The following PFKFB3 variants were observed in gnomAD, a reference collection of about 807,000 sequenced individuals.
PFKFB3 encodes the protein 6-phosphofructo-2-kinase/fructose-2,6-bisphosphatase 3.
In PFKFB3, 33 loss-of-function variants were observed where a neutral mutation model predicts 68.0. The ratio of observed to expected loss-of-function variants is 0.49; its 90% CI spans 0.37 to 0.65. The LOEUF (loss-of-function observed/expected upper bound fraction) is 0.65, where lower values mean the gene tolerates loss of function less well. Among genes scored for constraint, PFKFB3 ranks in the 30% least tolerant of loss-of-function variants. The pLI is 0.00. For missense variants in PFKFB3, 586 were observed against 712.2 expected, an observed-to-expected ratio of 0.82 and a Z score of 2.02; for synonymous variants, 315 against 288.2, an observed-to-expected ratio of 1.09 and a Z score of -0.94.
Position 6,229,349 on chromosome 10 carries a change from G to A in PFKFB3, c.1515+2984G>A, listed in dbSNP as rs1488439209. ...TGACCGGCCCGTGCTTCCAGCAGGT[G>A]AGCCGCAGAGCCGGGGCCTGAAAGG... is the stretch of plus-strand genomic sequence containing the variant. On this transcript the variant is annotated intron_variant, in intron 14 of 14. Coordinates refer to ENST00000379775, the MANE Select transcript of PFKFB3 (RefSeq NM_004566.4). The surrounding 1 kb of genome is among the most constrained non-coding windows in gnomAD (Gnocchi z 4.3). Among the ~76,000 whole-genome samples the A allele has an allele frequency of 6.6e-6, 1 of 152,204 alleles. No homozygotes were observed. Among genetic ancestry groups the A allele is most frequent in the Non-Finnish European group, 1.5e-5 (1 of 68,040 alleles).
At chr10:6,219,751 T>C in intron 7 of PFKFB3, 58 bp downstream of exon 7, 2 of 1,573,656 alleles carry the variant, frequency 1.3e-6, no homozygotes, top group Non-Finnish European at 1.7e-6. Context: ...TACTGAATTC[T>C]TGATGTTCCC....
the PFKFB3 span, among the ~76,000 whole-genome samples, chr10:6,311,505 C>G: frequency 6.7e-6 from 1 of 148,706 alleles, no homozygotes; most frequent in African/African-American, 2.4e-5. Flanking sequence ...GCCCAGCACT[C>G]TGGGAAGCTG....
chr10:6,265,161 A>C, the PFKFB3 span, among the ~76,000 whole-genome samples: 1 of 149,662 alleles, frequency 6.7e-6, no homozygotes. Context: ...GCTCACTGCA[A>C]CCTCCACCTC....
In PFKFB3 at chr10:6,244,677, T is replaced by C. The variant is rs1846215549; in HGVS notation, c.1516-9501T>C. ...ATTCTTGGTCTTCTAAATCCACAGC[T>C]CACAAAGGATTAGGGAGGGATGAGA... On this transcript the variant is annotated intron_variant, in intron 14 of 14. Transcript: ENST00000640683. 2.6e-5 allele frequency among the ~76,000 whole-genome samples: 4 copies of C among 151,974 alleles called. No individual in the cohort carries two copies. The South Asian group carries it at 8.3e-4, about 32-fold the overall frequency.
chr10:6,150,848 A>C (rs11256997), intron 1 of PFKFB3, among the ~76,000 whole-genome samples: 12,167 of 152,178 alleles, frequency 0.08, 638 homozygotes, highest in East Asian at 0.18. Context: ...AAGTATGAAC[A>C]ATTAGCCAGG....
At chr10:6,169,114 G>A (rs1842228311) in intron 1 of PFKFB3, among the ~76,000 whole-genome samples, 1 of 152,134 alleles carries the variant, frequency 6.6e-6, no homozygotes, top group South Asian at 2.1e-4. Context: ...CAAATTTTTT[G>A]TATTTTTAGT....
intron 1 of PFKFB3, among the ~76,000 whole-genome samples, chr10:6,177,935 G>A (rs1242955790): frequency 1.3e-5 from 2 of 152,162 alleles, no homozygotes; most frequent in African/African-American, 2.4e-5. Context: ...AGGTGGGCAC[G>A]TGGGGTGGAC....
At position 6,221,375 on chromosome 10, in the gene PFKFB3, T is replaced by G. The variant is rs372803989; in HGVS notation, c.832-6T>G. ...GAATCAGTGGTCCCCCTCCACCACC[T>G]CTCAGTTTGCCAGTGCTCTGAGCAA... On this transcript the variant is annotated splice_region_variant and splice_polypyrimidine_tract_variant and intron_variant, in intron 8 of 14. Coordinates refer to ENST00000379775, the MANE Select transcript of PFKFB3 (RefSeq NM_004566.4). 6 of 1,613,554 alleles carry G rather than the reference T, an allele frequency of 3.7e-6. No individual in the cohort carries two copies. In the African/African-American group the frequency reaches 8.0e-5, roughly 22 times the overall value.
chr10:6,288,367 C>T, the PFKFB3 span, among the ~76,000 whole-genome samples: 1 of 111,666 alleles, frequency 9.0e-6, no homozygotes, highest in Non-Finnish European at 1.7e-5. Flanking sequence ...CCCCACCCCA[C>T]AACAGTCCCC....
rs1217841096 is a variant in PFKFB3, at chr10:6,234,840, A to C, written c.*1898A>C. The C allele has an allele frequency of 6.6e-6, 1 of 152,164 alleles. No individual in the cohort carries two copies. The highest frequency in any genetic ancestry group is 1.5e-5 in the Non-Finnish European group (1 of 68,026). The allele number at this position is 152,164 out of a possible 1,614,324, so 9.4% of individuals were successfully genotyped here. On this transcript the variant is annotated 3_prime_UTR_variant, in exon 15 of 15. Coordinates refer to ENST00000379775, the MANE Select transcript of PFKFB3 (RefSeq NM_004566.4). The stretch of plus-strand genomic sequence containing the variant: ...CTGTGGTCCCCTCTCCCCTCTGACT[A>C]CCTAAAATCAATACCTAAATACAGA...
At chr10:6,263,829 G>A in the PFKFB3 span, among the ~76,000 whole-genome samples, 1 of 152,180 alleles carries the variant, frequency 6.6e-6, no homozygotes, top group Non-Finnish European at 1.5e-5. Flanking sequence ...AGTATTAAAG[G>A]CGTGTGCCAC....
chr10:6,303,272 A>C, the PFKFB3 span, among the ~76,000 whole-genome samples: 9 of 152,234 alleles, frequency 5.9e-5, no homozygotes, highest in African/African-American at 2.2e-4. Flanking sequence ...AAGAACAAAC[A>C]AGAAAAAGAA....
chr10:6,148,844 G>A (rs1313447895), intron 1 of PFKFB3, among the ~76,000 whole-genome samples: 2 of 151,780 alleles, frequency 1.3e-5, no homozygotes, highest in Non-Finnish European at 1.5e-5. Flanking sequence ...TTGGGAGGCC[G>A]AGGTGGGAGG....
chr10:6,177,262 G>T (rs193268964), intron 1 of PFKFB3, among the ~76,000 whole-genome samples: 1 of 152,168 alleles, frequency 6.6e-6, no homozygotes. Context: ...TGAAATGGGC[G>T]TTCATGTCTT....
chr10:6,302,404 C>T, the PFKFB3 span, among the ~76,000 whole-genome samples: 2 of 83,306 alleles, frequency 2.4e-5, no homozygotes, highest in Non-Finnish European at 4.2e-5. Context: ...TTTTTTGAGA[C>T]GGAGTCTTGT....
At chr10:6,231,026 AC>A (rs1349942717) in intron 14 of PFKFB3, among the ~76,000 whole-genome samples, 1 of 151,856 alleles carries the variant, frequency 6.6e-6, no homozygotes, top group Admixed American at 6.6e-5. Flanking sequence ...TAGAGTCTTC[AC>A]CCCTGTGATC....
intron 1 of PFKFB3, among the ~76,000 whole-genome samples, chr10:6,205,166 C>A (rs1163549997): frequency 1.3e-5 from 2 of 152,082 alleles, no homozygotes; most frequent in African/African-American, 4.8e-5. Flanking sequence ...TCCTGTGTGG[C>A]TTTGAGGTAT....
rs956281594 is a variant in PFKFB3 at position 6,163,553 on chromosome 10, G to T, written c.16+18540G>T. Among the ~76,000 whole-genome samples, 19 of 152,106 alleles carry T rather than the reference G, an allele frequency of 1.2e-4. 1 individual carries two copies. The highest frequency in any genetic ancestry group is 4.6e-4 in the African/African-American group (19 of 41,440). Reference sequence around the variant, plus strand: ...GGGGCCAGACGGGACATCAGCTCCCGGGAGCCCCGCTCTGGGCACGGTGCG... The same window carrying T: ...GGGGCCAGACGGGACATCAGCTCCCTGGAGCCCCGCTCTGGGCACGGTGCG... On this transcript the variant is annotated intron_variant, in intron 1 of 14. Coordinates refer to the PFKFB3 transcript ENST00000379789.
the PFKFB3 span, among the ~76,000 whole-genome samples, chr10:6,260,370 C>T: frequency 0.096 from 13,406 of 139,390 alleles, 1,454 homozygotes; most frequent in African/African-American, 0.27. Context: ...GCCGAGATTG[C>T]GCCACTGCAC....
Sources: allele counts gnomAD v4.1 joint callset (sites outside exome capture counted in the v4.1 genomes callset), GRCh38; gene constraint gnomAD v4.1.1; non-coding constraint Gnocchi (gnomAD v3.1); transcripts MANE v1.5; gene names NCBI Gene and HGNC (gene_info 2026-07-23, HGNC 2026-07-21).